The following TOX3 variants were observed in gnomAD, a reference collection of about 807,000 sequenced individuals.
TOX3 encodes TOX high mobility group box family member 3, also known as CAG trinucleotide repeat-containing gene F9 protein.
A neutral mutation model predicts 64.3 loss-of-function variants in TOX3; 22 were observed. The ratio of observed to expected loss-of-function variants is 0.34; its 90% CI spans 0.24 to 0.49. The LOEUF (loss-of-function observed/expected upper bound fraction) is 0.49. Among genes scored for constraint, TOX3 ranks in the 20% least tolerant of loss-of-function variants. The probability of loss-of-function intolerance (pLI) is 0.99; values close to 1 mark genes in which losing one functional copy is unlikely to be tolerated. For synonymous variants in TOX3, 291 were observed against 273.6 expected, an observed-to-expected ratio of 1.06 and a Z score of -0.63; for missense variants, 661 against 714.4, an observed-to-expected ratio of 0.93 and a Z score of 0.85.
Position 52,439,295 on chromosome 16 carries a change from G to C in TOX3, c.1661C>G (p.Ser554Cys), listed in dbSNP as rs1487018769. The C allele has an allele frequency of 6.2e-7, 1 of 1,613,754 alleles. No individual in the cohort carries two copies. The highest frequency in any genetic ancestry group is 8.5e-7 in the Non-Finnish European group (1 of 1,179,868). ...IPAIGSPQPA[S>C]QQHQSQIQSQ... ...CTGTATTTGCGACTGGTGCTGCTGA[G>C]AGGCTGGCTGGGGGCTCCCGATGGC... The change falls in exon 7 of 7, where the codon TCT becomes TGT. Residue 554 changes from serine to cysteine, a missense_variant. Ser to Cys is a moderately radical substitution (Grantham distance 112). Around this residue, in one of 3 missense-constraint regions of TOX3, gnomAD observed 299 missense variants for 292.1 expected, o/e 1.02. Coordinates refer to ENST00000219746, the MANE Select transcript of TOX3 (RefSeq NM_001080430.4).
At position 52,546,776 on chromosome 16, in the gene TOX3, G is replaced by T; in HGVS notation, c.-53C>A. 4 of 1,435,270 alleles carry T rather than the reference G, an allele frequency of 2.8e-6. No individual in the cohort carries two copies. The highest frequency in any genetic ancestry group is 2.8e-5 in the South Asian group (2 of 71,648). 88.9% of individuals were successfully genotyped at this position (1,435,270 alleles called of 1,614,324 possible). ...CGGGACTGGGGTTCGCCGGGGCCGG[G>T]ACCCGCCTCCTCGCCGCCGCTAGAT... On this transcript the variant is annotated 5_prime_UTR_variant, in exon 1 of 7. Transcript: ENST00000219746.
chr16:52,483,017 T>C (rs76773764), intron 1 of TOX3, among the ~76,000 whole-genome samples: 2 of 152,254 alleles, frequency 1.3e-5, no homozygotes, highest in African/African-American at 4.8e-5. Flanking sequence ...CCCCGTATAA[T>C]AGGGCCCCTG....
intron 1 of TOX3, among the ~76,000 whole-genome samples, chr16:52,512,611 T>G (rs577977275): frequency 2.6e-4 from 40 of 152,186 alleles, no homozygotes; most frequent in African/African-American, 7.0e-4. Flanking sequence ...ATAAGAATAT[T>G]AGATGAAGGA....
intron 1 of TOX3, among the ~76,000 whole-genome samples, chr16:52,502,837 A>G (rs1962039615): frequency 6.6e-6 from 1 of 152,198 alleles, no homozygotes; most frequent in Non-Finnish European, 1.5e-5. Context: ...AATCCTAACA[A>G]TGACAATGCA....
intron 1 of TOX3, among the ~76,000 whole-genome samples, chr16:52,540,667 T>G (rs1381457563): frequency 1.3e-5 from 2 of 152,126 alleles, no homozygotes; most frequent in African/African-American, 2.4e-5. Context: ...TTTTCCTTCT[T>G]GCCAAGAGAT....
At chr16:52,460,287 A>G (rs1960649890) in intron 3 of TOX3, among the ~76,000 whole-genome samples, 1 of 152,212 alleles carries the variant, frequency 6.6e-6, no homozygotes, top group African/African-American at 2.4e-5. Context: ...AATATAATAT[A>G]TGAAGAAAAG....
chr16:52,484,936 A>G (rs1961470005), intron 1 of TOX3, among the ~76,000 whole-genome samples: 3 of 152,012 alleles, frequency 2.0e-5, no homozygotes, highest in Admixed American at 6.6e-5. Context: ...AATGACATCT[A>G]TACTTGTTAT....
chr16:52,462,954 C>CAG (rs151158550), intron 3 of TOX3, among the ~76,000 whole-genome samples: 2,211 of 152,138 alleles, frequency 0.015, 43 homozygotes, highest in East Asian at 0.095. Context: ...TCTTATATTT[C>CAG]AGAGAGCACT....
Position 52,450,454 on chromosome 16 carries a change from C to G in TOX3, c.501G>C (p.Gly167=), listed in dbSNP as rs1280840807. The change falls in exon 4 of 7, where the codon GGG becomes GGC. Residue 167 remains glycine, a synonymous_variant. Coordinates refer to ENST00000219746, the MANE Select transcript of TOX3 (RefSeq NM_001080430.4). The stretch of plus-strand genomic sequence containing the variant: ...TGGTGAGCTGGGCAGGAGGCATGAC[C>G]CCAGAACGCGCAGCATCGGTCATGT... ...IVHMTDAARS[G]VMPPAQLTTI... 1.2e-6 allele frequency: 2 copies of G among 1,613,976 alleles called. No homozygotes were observed. Among genetic ancestry groups the G allele is most frequent in the Non-Finnish European group, 1.7e-6 (2 of 1,179,880 alleles).
intron 1 of TOX3, among the ~76,000 whole-genome samples, chr16:52,519,912 A>C (rs967785054): frequency 6.6e-6 from 1 of 151,716 alleles, no homozygotes; most frequent in Non-Finnish European, 1.5e-5. Context: ...CGGTGAGCAC[A>C]GTGAGCACTG....
chr16:52,450,567 G>T (rs1377425549), intron 3 of TOX3, 21 bp from the exon 4 acceptor site: 1 of 1,612,872 alleles, frequency 6.2e-7, no homozygotes. Context: ...AGCAACAAAG[G>T]GGGAAAATAT....
At chr16:52,499,133 C>T (rs1961934725) in intron 1 of TOX3, among the ~76,000 whole-genome samples, 1 of 152,152 alleles carries the variant, frequency 6.6e-6, no homozygotes, top group African/African-American at 2.4e-5. Flanking sequence ...CACAAAGCTA[C>T]TAATATGATT....
At chr16:52,463,842 C>T (rs1054375558) in intron 3 of TOX3, 92 bp downstream of exon 3, 1 of 1,419,192 alleles carries the variant, frequency 7.0e-7, no homozygotes, top group Non-Finnish European at 9.3e-7. Flanking sequence ...TAGGAACAGG[C>T]AAGAGCACGT....
rs1189303877 is a variant in TOX3, at chr16:52,468,530, A to G, written c.132T>C (p.Asn44=). The change falls in exon 2 of 7, where the codon AAT becomes AAC. Residue 44 remains asparagine (N), a synonymous_variant. Transcript: ENST00000219746. ...CTACCTCACTGGCAGCGAAGAACGC[A>G]TTGTTCGCCTCAGCCATATTCATAT... ...NNYMNMAEAN[N]AFFAASEQTF... 1.2e-6 allele frequency: 2 copies of G among 1,613,328 alleles called. No homozygotes were observed. Among genetic ancestry groups the G allele is most frequent in the Non-Finnish European group, 1.7e-6 (2 of 1,179,466 alleles).
intron 1 of TOX3, 129 bp from the exon 2 acceptor site, chr16:52,468,703 G>A (rs1031644767): frequency 4.9e-5 from 33 of 675,918 alleles, no homozygotes; most frequent in Admixed American, 2.5e-4. Flanking sequence ...ACATGACAAA[G>A]GTTTCAAGGC....
chr16:52,436,987 T>C lies in TOX3; in HGVS notation c.*2238A>G, dbSNP rs1596762110. On this transcript the variant is annotated 3_prime_UTR_variant, in exon 7 of 7. Coordinates refer to ENST00000219746, the MANE Select transcript of TOX3 (RefSeq NM_001080430.4). ...ATATAAAATGGTTATTGTTATGTAA[T>C]GTTAGTTTCAATTCACAGAAAATCT... 6.6e-6 allele frequency: 1 copy of C among 152,254 alleles called. No homozygotes were observed. Among genetic ancestry groups the C allele is most frequent in the African/African-American group, 2.4e-5 (1 of 41,474 alleles). The allele number at this position is 152,254 out of a possible 1,614,324, so 9.4% of individuals were successfully genotyped here.
chr16:52,462,673 A>G (rs886563273), intron 3 of TOX3, among the ~76,000 whole-genome samples: 1 of 152,116 alleles, frequency 6.6e-6, no homozygotes, highest in Non-Finnish European at 1.5e-5. Context: ...TTCTAAGCAA[A>G]ACATTGCAAG....
chr16:52,457,616 C>G (rs1254894973), intron 3 of TOX3, among the ~76,000 whole-genome samples: 1 of 152,092 alleles, frequency 6.6e-6, no homozygotes, highest in Non-Finnish European at 1.5e-5. Context: ...GAGTTAACTG[C>G]AAATAGGAAA....
At chr16:52,534,914 A>G (rs1046274218) in intron 1 of TOX3, among the ~76,000 whole-genome samples, 2 of 152,198 alleles carry the variant, frequency 1.3e-5, no homozygotes, top group African/African-American at 4.8e-5. Flanking sequence ...AATGCAGGTA[A>G]TCAATTAAAA....
Sources: gnomAD v4.1 joint callset for allele counts (sites outside exome capture counted in the v4.1 genomes callset) on GRCh38, gnomAD v4.1.1 for gene constraint, gnomAD v4.1.1 regional missense constraint, MANE v1.5 for transcripts, NCBI Gene and HGNC (gene_info 2026-07-23, HGNC 2026-07-21) for gene names.